Variants in ARSG observed in about 807,000 individuals in gnomAD.
ARSG encodes the protein ASG.
ARSG carries 37 observed loss-of-function variants against 50.5 expected under a neutral mutation model. The ratio of observed to expected loss-of-function variants is 0.73; its 90% confidence interval spans 0.56 to 0.96. The LOEUF is 0.96. Ranked by LOEUF, ARSG falls within the 50% of genes least tolerant of loss-of-function variation. ARSG has a pLI of 0.00. For synonymous variants in ARSG, 225 were observed against 254.6 expected (o/e 0.88, Z 1.11); for missense variants, 629 against 675.3 (o/e 0.93, Z 0.76).
downstream of ARSG, chr17:68,424,694 G>A: frequency 5.9e-6 from 2 of 340,998 alleles, no homozygotes; most frequent in Non-Finnish European, 1.2e-5. Flanking sequence ...TGACCAACAT[G>A]GTGAAACCCC....
At chr17:68,335,820 T>C (rs2077992424) in intron 2 of ARSG, among the ~76,000 whole-genome samples, 1 of 152,174 alleles carries the variant, frequency 6.6e-6, no homozygotes, top group Non-Finnish European at 1.5e-5. Flanking sequence ...ATGGGAGTAA[T>C]GTGGTGTGTT....
In ARSG at chr17:68,331,225, C is replaced by CTTTG. The variant is rs2077742755; in HGVS notation, c.219-12376_219-12375insGTTT. ...TCTTTCTTTCTTTCTTTCTTTCTTTCTTTCTTTGTTTCTTTCTTTCTTTCT... is the reference window on the plus strand; with the variant it reads ...TCTTTCTTTCTTTCTTTCTTTCTTTCTTTGTTTCTTTGTTTCTTTCTTTCTTTCT... On this transcript the variant is annotated intron_variant, in intron 2 of 11. Coordinates refer to ENST00000621439, the MANE Select transcript of ARSG (RefSeq NM_001267727.2). Among the ~76,000 whole-genome samples the CTTTG allele has an allele frequency of 2.6e-4, 7 of 27,444 alleles. No homozygotes were observed. The South Asian group carries it at 5.9e-3, about 23-fold the overall frequency. 18.0% of individuals were successfully genotyped at this position (27,444 alleles called of 152,430 possible). A position where few individuals can be genotyped will look rare whatever the true frequency, so the allele number is the denominator to read the frequency against.
intron 11 of ARSG, among the ~76,000 whole-genome samples, chr17:68,403,113 A>G (rs1294985435): frequency 6.6e-6 from 1 of 152,232 alleles, no homozygotes; most frequent in African/African-American, 2.4e-5. Context: ...CTTGAGGGGT[A>G]TTAAAAATGT....
intron 11 of ARSG, among the ~76,000 whole-genome samples, chr17:68,410,515 T>A (rs1168808653): frequency 6.6e-6 from 1 of 151,608 alleles, no homozygotes; most frequent in African/African-American, 2.4e-5. Flanking sequence ...TTCTGCTGGA[T>A]TCGGTTTGCC....
At chr17:68,321,884 A>G (rs1232660780) in intron 2 of ARSG, among the ~76,000 whole-genome samples, 1 of 152,186 alleles carries the variant, frequency 6.6e-6, no homozygotes, top group Non-Finnish European at 1.5e-5. Flanking sequence ...TAGACTTGGG[A>G]GGAAAGAAAG....
At chr17:68,338,885 G>C (rs527464368) in intron 2 of ARSG, among the ~76,000 whole-genome samples, 2 of 152,300 alleles carry the variant, frequency 1.3e-5, no homozygotes, top group East Asian at 3.9e-4. Context: ...CTGTTTCTTT[G>C]CTTCCTTAAC....
rs1250931305 is a variant in ARSG, at chr17:68,399,930, GT to G, written c.1213-1426del. Among the ~76,000 whole-genome samples the G allele has an allele frequency of 6.6e-6, 1 of 152,226 alleles. No homozygotes were observed. The highest frequency in any genetic ancestry group is 1.5e-5 in the Non-Finnish European group (1 of 68,040). On this transcript the variant is annotated intron_variant, in intron 10 of 11. Coordinates refer to ENST00000621439, the MANE Select transcript of ARSG (RefSeq NM_001267727.2). The surrounding 1 kb of genome is among the most constrained non-coding windows in gnomAD (Gnocchi z 4.6). ...TTCTGCAGGGATGGAAGAAGTGAGGGTTTTCAGTTACGACTTCTTTTCCTGT... is the reference window on the plus strand; with the variant it reads ...TTCTGCAGGGATGGAAGAAGTGAGGGTTTCAGTTACGACTTCTTTTCCTGT...
At chr17:68,387,100 CACACACACACACACACACAT>C (rs2080766069) in intron 9 of ARSG, among the ~76,000 whole-genome samples, 3 of 151,738 alleles carry the variant, frequency 2.0e-5, no homozygotes, top group South Asian at 4.2e-4. Flanking sequence ...CACACACACA[CACACACACACACACACACAT>C]ACCTTTTATT....
intron 4 of ARSG, 79 bp downstream of exon 4, chr17:68,347,251 C>T (rs1257588106): frequency 6.7e-7 from 1 of 1,502,290 alleles, no homozygotes; most frequent in Non-Finnish European, 9.2e-7. Context: ...AACAGCTAAG[C>T]CATCCTGTCT....
intron 8 of ARSG, among the ~76,000 whole-genome samples, chr17:68,374,311 T>C (rs372342430): frequency 2.0e-5 from 3 of 151,468 alleles, no homozygotes; most frequent in African/African-American, 7.3e-5. Context: ...AAGCCTGGAA[T>C]AGCCTGGTGT....
the ARSG span, among the ~76,000 whole-genome samples, chr17:68,449,104 C>T: frequency 6.6e-6 from 1 of 152,114 alleles, no homozygotes; most frequent in Non-Finnish European, 1.5e-5. Flanking sequence ...TTAATTAGTA[C>T]TTAAGAGTTT....
intron 2 of ARSG, among the ~76,000 whole-genome samples, chr17:68,313,307 C>T (rs1555767363): frequency 2.6e-5 from 4 of 152,100 alleles, no homozygotes. Flanking sequence ...TGTCCTTTCA[C>T]AGTTCGGAGA....
downstream of ARSG, chr17:68,427,016 G>A (rs144724567): frequency 8.1e-4 from 654 of 802,966 alleles, 7 homozygotes; most frequent in African/African-American, 0.011. Context: ...AGGGGGAAGG[G>A]GAGGGAGGGC....
chr17:68,307,211 G>A lies in ARSG; in HGVS notation c.-283G>A, dbSNP rs2072268. The A allele has an allele frequency of 0.56, 231,614 of 410,202 alleles. 69,556 individuals are homozygous for A. The highest frequency in any genetic ancestry group is 0.89 in the African/African-American group (43,685 of 49,336). 25.4% of individuals were successfully genotyped at this position (410,202 alleles called of 1,614,324 possible). A position where few individuals can be genotyped will look rare whatever the true frequency, so the allele number is the denominator to read the frequency against. ...ACGACCAGTCATTTTACTGAGCTGC[G>A]GTGAGGAAACACTGACCATAGAAGA... On this transcript the variant is annotated 5_prime_UTR_variant, in exon 2 of 12. Transcript: ENST00000621439.
At chr17:68,450,650 G>T in the ARSG span, 1 of 1,503,354 alleles carries the variant, frequency 6.7e-7, no homozygotes, top group South Asian at 1.3e-5. Context: ...TACAGACATT[G>T]ATCTTGAAAG....
At chr17:68,379,560 G>A (rs956256183) in intron 8 of ARSG, among the ~76,000 whole-genome samples, 11 of 150,624 alleles carry the variant, frequency 7.3e-5, no homozygotes, top group African/African-American at 2.4e-4. Flanking sequence ...TTACAAGTGC[G>A]AGCCACTGCA....
At chr17:68,273,023 T>C (rs2075391899) in intron 1 of ARSG, among the ~76,000 whole-genome samples, 1 of 152,054 alleles carries the variant, frequency 6.6e-6, no homozygotes, top group African/African-American at 2.4e-5. Context: ...TTTTTTCAAA[T>C]TTATATAATT....
At chr17:68,342,829 T>A (rs1369257127) in intron 2 of ARSG, among the ~76,000 whole-genome samples, 1 of 152,208 alleles carries the variant, frequency 6.6e-6, no homozygotes, top group Non-Finnish European at 1.5e-5. Flanking sequence ...GACATTTGTT[T>A]ACAGTGCGAT....
chr17:68,437,086 T>C, the ARSG span, among the ~76,000 whole-genome samples: 1 of 151,870 alleles, frequency 6.6e-6, no homozygotes, highest in Non-Finnish European at 1.5e-5. Context: ...AAACAGCATC[T>C]ACTTTTCTTC....
Sources: gnomAD v4.1 joint callset for allele counts (sites outside exome capture counted in the v4.1 genomes callset) on GRCh38, gnomAD v4.1.1 for gene constraint, Gnocchi (gnomAD v3.1) non-coding constraint, MANE v1.5 for transcripts, NCBI Gene and HGNC (gene_info 2026-07-23, HGNC 2026-07-21) for gene names.